TESC: variants seen among roughly 807,000 people sequenced by gnomAD.
TESC encodes the protein calcineurin B homologous protein 3.
TESC carries 19 observed loss-of-function variants against 31.0 expected under a neutral mutation model. The ratio of observed to expected loss-of-function variants is 0.61; its 90% CI spans 0.43 to 0.90. TESC has a LOEUF of 0.90. Ranked by LOEUF, TESC falls within the 40% of genes least tolerant of loss-of-function variation. TESC has a pLI of 0.00. For missense variants in TESC, 248 were observed against 303.8 expected (o/e 0.82, Z 1.36); for synonymous variants, 109 against 114.8 (o/e 0.95, Z 0.32).
chr12:117,051,080 C>T (rs890897764), intron 3 of TESC, among the ~76,000 whole-genome samples: 3 of 152,220 alleles, frequency 2.0e-5, no homozygotes, highest in Non-Finnish European at 4.4e-5. Flanking sequence ...TCTGCCACAG[C>T]CTCTCACTGT....
intron 6 of TESC, among the ~76,000 whole-genome samples, chr12:117,046,226 G>A (rs1361417112): frequency 6.6e-6 from 1 of 152,250 alleles, no homozygotes; most frequent in East Asian, 1.9e-4. Flanking sequence ...CCTGTGCCAT[G>A]TGCTACCTAG....
chr12:117,056,624 C>A (rs1201547226), intron 3 of TESC, among the ~76,000 whole-genome samples, 182 bp downstream of exon 3: 1 of 152,178 alleles, frequency 6.6e-6, no homozygotes, highest in Non-Finnish European at 1.5e-5. Context: ...GAGTGAGCAG[C>A]CCAGTCGCCC....
chr12:117,073,545 G>A (rs1319182834), intron 2 of TESC, among the ~76,000 whole-genome samples: 4 of 152,098 alleles, frequency 2.6e-5, no homozygotes, highest in African/African-American at 9.7e-5. Context: ...AAGAGAAAGT[G>A]GACATTTATA....
intron 2 of TESC, among the ~76,000 whole-genome samples, chr12:117,066,410 T>C (rs1183736843): frequency 4.7e-5 from 7 of 149,326 alleles, no homozygotes; most frequent in Non-Finnish European, 8.9e-5. Context: ...CTCACTGTGT[T>C]GCCCAGGCTG....
chr12:117,046,922 A>C, intron 4 of TESC, 84 bp from the exon 5 acceptor site: 2 of 1,414,378 alleles, frequency 1.4e-6, no homozygotes, highest in Non-Finnish European at 1.9e-6. Flanking sequence ...AACTAAGCAA[A>C]AGACACCAAT....
At position 117,090,659 on chromosome 12, in the gene TESC, T is replaced by C. The variant is rs1435562316; in HGVS notation, c.58+8566A>G. 3.9e-5 allele frequency among the ~76,000 whole-genome samples: 6 copies of C among 152,190 alleles called. No homozygotes were observed. In the East Asian group the frequency reaches 7.7e-4, roughly 20 times the overall value. On this transcript the variant is annotated intron_variant, in intron 1 of 7. Coordinates refer to ENST00000335209, the MANE Select transcript of TESC (RefSeq NM_017899.4). The stretch of plus-strand genomic sequence containing the variant: ...ATACCATGATATAAACCCACATCTA[T>C]CTGCTGGAAAAGGACAGGTGGTGAG...
chr12:117,063,548 G>T (rs911130694), intron 2 of TESC, among the ~76,000 whole-genome samples: 2 of 152,174 alleles, frequency 1.3e-5, no homozygotes, highest in African/African-American at 2.4e-5. Flanking sequence ...TACTGAGCAT[G>T]GAGCTCCCCA....
At chr12:117,058,356 T>C (rs1399807987) in intron 2 of TESC, among the ~76,000 whole-genome samples, 2 of 151,170 alleles carry the variant, frequency 1.3e-5, no homozygotes, top group Non-Finnish European at 3.0e-5. Flanking sequence ...TACACCGCGG[T>C]AGAAAGCAGA....
chr12:117,092,546 G>T (rs978254089), intron 1 of TESC, among the ~76,000 whole-genome samples: 1 of 152,214 alleles, frequency 6.6e-6, no homozygotes, highest in African/African-American at 2.4e-5. Flanking sequence ...AGGCTGGGGG[G>T]GTCCCATGAT....
intron 2 of TESC, among the ~76,000 whole-genome samples, chr12:117,066,373 ATTT>A (rs55744717): frequency 3.1e-5 from 4 of 129,626 alleles, no homozygotes; most frequent in Admixed American, 7.6e-5. Context: ...TGAATGGCTA[ATTT>A]TTTTTTTTTT....
chr12:117,041,695 C>T (rs1954486081), intron 7 of TESC, among the ~76,000 whole-genome samples: 1 of 152,224 alleles, frequency 6.6e-6, no homozygotes. Context: ...ATTTGGTTTA[C>T]ACTATATACC....
intron 2 of TESC, among the ~76,000 whole-genome samples, chr12:117,062,201 G>C (rs1954808704): frequency 6.6e-6 from 1 of 151,932 alleles, no homozygotes; most frequent in Non-Finnish European, 1.5e-5. Flanking sequence ...TATAAAGTAG[G>C]TACTTATGCC....
intron 1 of TESC, among the ~76,000 whole-genome samples, chr12:117,083,327 C>A (rs1194613846): frequency 1.3e-5 from 2 of 152,204 alleles, no homozygotes; most frequent in Non-Finnish European, 2.9e-5. Context: ...GATCCACCCA[C>A]CTTGGCCTCG....
rs201228990 is a variant in TESC, at chr12:117,055,912, C to CT, written c.209+893dup. On this transcript the variant is annotated intron_variant, in intron 3 of 7. Transcript: ENST00000335209. ...TAAATGCTTTCTAGTTTTCCTTTTC[C>CT]TTTTTTTTTTTTTTTTTTTCTTCTG... Among the ~76,000 whole-genome samples, 844 of 139,928 alleles carry CT rather than the reference C, an allele frequency of 6.0e-3. 2 individuals are homozygous for CT. The highest frequency in any genetic ancestry group is 0.014 in the African/African-American group (523 of 38,132). 91.8% of individuals were successfully genotyped at this position (139,928 alleles called of 152,430 possible).
rs904590324 is a variant in TESC at position 117,099,298 on chromosome 12, G to A, written c.-16C>T. 7.0e-7 allele frequency: 1 copy of A among 1,425,792 alleles called. No homozygotes were observed. Among genetic ancestry groups the A allele is most frequent in the African/African-American group, 1.5e-5 (1 of 66,616 alleles). 88.3% of individuals were successfully genotyped at this position (1,425,792 alleles called of 1,614,324 possible). ...CAGCGCCCATGGTGCCCGCGGCGGG[G>A]GCCCCGGGGCGCGCGTCCCTCTCAG... On this transcript the variant is annotated 5_prime_UTR_variant, in exon 1 of 8. Coordinates refer to ENST00000335209, the MANE Select transcript of TESC (RefSeq NM_017899.4).
At chr12:117,074,764 C>T (rs539769825) in intron 2 of TESC, among the ~76,000 whole-genome samples, 5 of 152,276 alleles carry the variant, frequency 3.3e-5, no homozygotes, top group South Asian at 4.1e-4. Flanking sequence ...CTCGCTTCCA[C>T]GATAGTTATA....
chr12:117,088,645 C>T (rs1181979560), intron 1 of TESC, among the ~76,000 whole-genome samples: 2 of 150,204 alleles, frequency 1.3e-5, no homozygotes, highest in Non-Finnish European at 2.9e-5. Context: ...TGTGCCACTG[C>T]ACCCCAGCCT....
intron 1 of TESC, among the ~76,000 whole-genome samples, chr12:117,078,363 G>T (rs962977533): frequency 1.3e-5 from 2 of 152,170 alleles, no homozygotes; most frequent in African/African-American, 4.8e-5. Flanking sequence ...CTACTTGGGA[G>T]ACTGAAGCAG....
chr12:117,093,216 T>C (rs1955339461), intron 1 of TESC, among the ~76,000 whole-genome samples: 2 of 152,210 alleles, frequency 1.3e-5, no homozygotes, highest in Non-Finnish European at 2.9e-5. Flanking sequence ...TCCACCCTGG[T>C]AGCAGAATAT....
Sources: allele counts gnomAD v4.1 joint callset (sites outside exome capture counted in the v4.1 genomes callset), GRCh38; gene constraint gnomAD v4.1.1; transcripts MANE v1.5; gene names NCBI Gene and HGNC (gene_info 2026-07-23, HGNC 2026-07-21).